Variants in MAP3K20 observed in about 807,000 individuals in gnomAD.
MAP3K20 encodes the protein HCCS-4.
Under a neutral mutation model 85.7 loss-of-function variants are expected in MAP3K20, and 40 were observed. The observed-to-expected ratio is 0.47, with a 90% CI of 0.36 to 0.61. The LOEUF is 0.61. MAP3K20 is among the 20% of genes least tolerant of loss of function. The pLI, the probability that MAP3K20 is intolerant of heterozygous loss-of-function variation, is 0.00. For synonymous variants in MAP3K20, 325 were observed against 327.7 expected, an observed-to-expected ratio of 0.99 and a Z score of 0.09; for missense variants, 817 against 961.7, an observed-to-expected ratio of 0.85 and a Z score of 1.99.
At position 173,222,222 on chromosome 2, in the gene MAP3K20, A is replaced by G. The variant is rs969024890; in HGVS notation, c.987+4972A>G. The G allele has an allele frequency of 1.1e-5, 11 of 958,366 alleles. No homozygotes were observed. The East Asian group carries it at 4.6e-4, about 40-fold the overall frequency. 59.4% of individuals were successfully genotyped at this position (958,366 alleles called of 1,614,324 possible). On this transcript the variant is annotated intron_variant, in intron 11 of 19. Coordinates refer to ENST00000375213, the MANE Select transcript of MAP3K20 (RefSeq NM_016653.3). ...TCCTGTCTCAAAAAACAAAAAAAAGAAAGAATTGATAGTACAAAATCCAAC... is the reference window on the plus strand; with the variant it reads ...TCCTGTCTCAAAAAACAAAAAAAAGGAAGAATTGATAGTACAAAATCCAAC...
Position 173,151,436 on chromosome 2 carries a change from G to A in MAP3K20, c.160-18369G>A, listed in dbSNP as rs577654723. On this transcript the variant is annotated intron_variant, in intron 2 of 19. Transcript: ENST00000375213. ...ACATTTTATCAATAGATAAGCTGAC[G>A]CCCCAAGTCACACAGTCATTCAGTA... 1.6e-3 allele frequency among the ~76,000 whole-genome samples: 247 copies of A among 152,148 alleles called. 1 individual carries two copies. Among genetic ancestry groups the A allele is most frequent in the Non-Finnish European group, 2.0e-3 (138 of 67,992 alleles).
At chr2:173,077,193 C>G (rs1478808335) in intron 1 of MAP3K20, among the ~76,000 whole-genome samples, 1 of 152,026 alleles carries the variant, frequency 6.6e-6, no homozygotes, top group Non-Finnish European at 1.5e-5. Flanking sequence ...TCTTTAACCC[C>G]GAAGCTGTTT....
At chr2:173,170,815 T>G (rs1689978537) in intron 3 of MAP3K20, among the ~76,000 whole-genome samples, 1 of 152,180 alleles carries the variant, frequency 6.6e-6, no homozygotes, top group Non-Finnish European at 1.5e-5. Flanking sequence ...TTAAGCAACT[T>G]TTCCATGGTC....
At chr2:173,242,856 A>C (rs1684823740) in intron 16 of MAP3K20, among the ~76,000 whole-genome samples, 1 of 151,632 alleles carries the variant, frequency 6.6e-6, no homozygotes, top group South Asian at 2.1e-4. Flanking sequence ...ATAGGGGCAC[A>C]CCACCACACC....
intron 2 of MAP3K20, among the ~76,000 whole-genome samples, chr2:173,134,549 C>T (rs766984981): frequency 6.8e-6 from 1 of 146,898 alleles, no homozygotes; most frequent in Non-Finnish European, 1.5e-5. Flanking sequence ...GGATTACAGG[C>T]GTGAGCCACT....
chr2:173,185,066 A>C (rs1026573727), intron 4 of MAP3K20, among the ~76,000 whole-genome samples: 2 of 151,972 alleles, frequency 1.3e-5, no homozygotes, highest in Non-Finnish European at 2.9e-5. Context: ...ACATGGAGAA[A>C]CCCTGTTTCT....
intron 16 of MAP3K20, among the ~76,000 whole-genome samples, chr2:173,240,588 C>T (rs1410916700): frequency 6.6e-6 from 1 of 152,162 alleles, no homozygotes; most frequent in Non-Finnish European, 1.5e-5. Flanking sequence ...AATGGCTCAG[C>T]GTCACTAATT....
In MAP3K20 at chr2:173,077,433, T is replaced by G. The variant is rs552623691; in HGVS notation, c.-35+1431T>G. On this transcript the variant is annotated intron_variant, in intron 1 of 19. Coordinates refer to ENST00000375213, the MANE Select transcript of MAP3K20 (RefSeq NM_016653.3). ...TGCATTTTAATTATGGTTATGGTCA[T>G]TTGTAGAGTCTTTGTTTTAAATTCC... 3.3e-5 allele frequency among the ~76,000 whole-genome samples: 5 copies of G among 151,468 alleles called. No homozygotes were observed. The South Asian group carries it at 8.4e-4, about 25-fold the overall frequency.
chr2:173,100,320 T>C (rs746813475), intron 2 of MAP3K20, among the ~76,000 whole-genome samples: 2 of 152,172 alleles, frequency 1.3e-5, no homozygotes, highest in Non-Finnish European at 2.9e-5. Flanking sequence ...AAGATTATAA[T>C]CTGCATTTGA....
rs1320592841 is a variant in MAP3K20, at chr2:173,087,115, T to C, written c.-34-3883T>C. On this transcript the variant is annotated intron_variant, in intron 1 of 19. Coordinates refer to ENST00000375213, the MANE Select transcript of MAP3K20 (RefSeq NM_016653.3). Reference sequence around the variant, plus strand: ...ATGCTTTTTTAATGGAAAAGCTGCCTAACTGTGTACTTGGCTGTGTAGTAG... The same window carrying C: ...ATGCTTTTTTAATGGAAAAGCTGCCCAACTGTGTACTTGGCTGTGTAGTAG... Among the ~76,000 whole-genome samples, 69 of 152,354 alleles carry C rather than the reference T, an allele frequency of 4.5e-4. 1 individual carries two copies. Among genetic ancestry groups the C allele is most frequent in the Non-Finnish European group, 4.4e-4 (30 of 68,032 alleles).
At chr2:173,183,071 C>T in intron 4 of MAP3K20, 116 bp downstream of exon 4, 1 of 771,810 alleles carries the variant, frequency 1.3e-6, no homozygotes, top group South Asian at 1.9e-5. Context: ...TTTTCCAGAC[C>T]AAAAGTAGTA....
intron 2 of MAP3K20, chr2:173,160,002 A>G (rs1451959282): frequency 6.6e-6 from 1 of 152,120 alleles, no homozygotes; most frequent in African/African-American, 2.4e-5. Context: ...TGGTGACTCC[A>G]TCTCAGTTGC....
intron 16 of MAP3K20, among the ~76,000 whole-genome samples, chr2:173,243,366 C>T (rs1355119505): frequency 6.6e-6 from 1 of 152,050 alleles, no homozygotes; most frequent in Non-Finnish European, 1.5e-5. Context: ...TGAAGGCAGA[C>T]GAAACCATGT....
chr2:173,205,114 A>T (rs1574107687), intron 9 of MAP3K20, among the ~76,000 whole-genome samples: 1 of 142,000 alleles, frequency 7.0e-6, no homozygotes, highest in African/African-American at 2.7e-5. Context: ...AAAAAAAAAA[A>T]AAAAAAAATA....
At chr2:173,140,683 C>T (rs1033245028) in intron 2 of MAP3K20, among the ~76,000 whole-genome samples, 9 of 152,110 alleles carry the variant, frequency 5.9e-5, no homozygotes, top group East Asian at 1.9e-4. Context: ...TTATAACTAT[C>T]GCTAATACTA....
intron 2 of MAP3K20, among the ~76,000 whole-genome samples, chr2:173,110,657 G>A (rs1687945065): frequency 3.9e-5 from 6 of 152,014 alleles, no homozygotes; most frequent in Admixed American, 3.3e-4. Context: ...CCACATATCA[G>A]TGAGAATATA....
intron 1 of MAP3K20, among the ~76,000 whole-genome samples, chr2:173,078,544 A>G (rs1374798029): frequency 6.6e-6 from 1 of 152,212 alleles, no homozygotes; most frequent in Non-Finnish European, 1.5e-5. Context: ...GCTAGAGCTT[A>G]GATTGATTCG....
chr2:173,107,070 T>A (rs1235962719), intron 2 of MAP3K20, among the ~76,000 whole-genome samples: 1 of 152,116 alleles, frequency 6.6e-6, no homozygotes, highest in Non-Finnish European at 1.5e-5. Flanking sequence ...GACAGTGAGC[T>A]GGGGCTAAAA....
intron 1 of MAP3K20, among the ~76,000 whole-genome samples, chr2:173,077,119 G>A (rs1380669000): frequency 6.6e-6 from 1 of 152,166 alleles, no homozygotes; most frequent in Non-Finnish European, 1.5e-5. Context: ...ACTGGTGTGT[G>A]AGAATCGTCT....
Sources: allele counts gnomAD v4.1 joint callset (sites outside exome capture counted in the v4.1 genomes callset), GRCh38; gene constraint gnomAD v4.1.1; transcripts MANE v1.5; gene names NCBI Gene and HGNC (gene_info 2026-07-23, HGNC 2026-07-21).